RGS5: variants seen among roughly 807,000 people sequenced by gnomAD.
RGS5 encodes the protein regulator of G protein signaling 5, also known as regulator of G-protein signalling 5.
RGS5 carries 20 observed loss-of-function variants against 18.9 expected under a neutral mutation model. The ratio of observed to expected loss-of-function variants is 1.06; its 90% confidence interval spans 0.74 to 1.54. The LOEUF (loss-of-function observed/expected upper bound fraction) is 1.54, where lower values mean the gene tolerates loss of function less well. Ranked by LOEUF, RGS5 falls within the 40% of genes most tolerant of loss-of-function variation. The pLI, the probability that RGS5 is intolerant of heterozygous loss-of-function variation, is 0.00. For synonymous variants in RGS5, 57 were observed against 76.2 expected (o/e 0.75, Z 1.31); for missense variants, 201 against 211.8 (o/e 0.95, Z 0.32).
chr1:163,225,373 G>C (rs2101680744), intron 2 of RGS5, among the ~76,000 whole-genome samples: 1 of 152,236 alleles, frequency 6.6e-6, no homozygotes, highest in African/African-American at 2.4e-5. Context: ...TGGATCTATG[G>C]GGGCTCAAAG....
intron 2 of RGS5, among the ~76,000 whole-genome samples, chr1:163,299,973 G>A (rs1445811843): frequency 6.6e-6 from 1 of 152,190 alleles, no homozygotes; most frequent in African/African-American, 2.4e-5. Flanking sequence ...TTAAAAAGGA[G>A]TACACATTAC....
At chr1:163,244,697 T>C (rs1002990232) in intron 2 of RGS5, 1 of 152,196 alleles carries the variant, frequency 6.6e-6, no homozygotes, top group Non-Finnish European at 1.5e-5. Context: ...CAACCAAATA[T>C]AGTCACTGAA....
intron 2 of RGS5, among the ~76,000 whole-genome samples, chr1:163,295,883 A>ACTGC (rs1266179667): frequency 2.6e-5 from 4 of 152,170 alleles, no homozygotes; most frequent in African/African-American, 9.7e-5. Context: ...GCTAATACTG[A>ACTGC]CTGCCTGTTA....
intron 3 of RGS5, among the ~76,000 whole-genome samples, chr1:163,155,965 TA>T (rs1657564108): frequency 6.6e-6 from 1 of 152,176 alleles, no homozygotes; most frequent in South Asian, 2.1e-4. Flanking sequence ...GACATCCATG[TA>T]AACTAGCAGC....
chr1:163,164,900 T>A (rs934707614), intron 2 of RGS5, among the ~76,000 whole-genome samples: 3 of 152,220 alleles, frequency 2.0e-5, no homozygotes, highest in African/African-American at 7.2e-5. Context: ...TTAAAAATGT[T>A]CTTACACATT....
At chr1:163,274,441 C>T (rs1264121347) in intron 2 of RGS5, among the ~76,000 whole-genome samples, 1 of 151,986 alleles carries the variant, frequency 6.6e-6, no homozygotes, top group Non-Finnish European at 1.5e-5. Context: ...GCTAGGATCC[C>T]TTTCAGACCT....
At chr1:163,309,763 G>A (rs767987933) in intron 1 of RGS5, among the ~76,000 whole-genome samples, 5 of 152,102 alleles carry the variant, frequency 3.3e-5, no homozygotes, top group Admixed American at 6.5e-5. Context: ...CATCTAGAAT[G>A]GTGAATCCTT....
intron 2 of RGS5, among the ~76,000 whole-genome samples, chr1:163,295,484 A>G (rs995333293): frequency 7.2e-5 from 11 of 152,204 alleles, no homozygotes; most frequent in African/African-American, 2.7e-4. Context: ...CCTTAAAATA[A>G]TTATTTGATG....
intron 2 of RGS5, among the ~76,000 whole-genome samples, chr1:163,242,136 A>G (rs1647806000): frequency 6.6e-6 from 1 of 152,216 alleles, no homozygotes; most frequent in South Asian, 2.1e-4. Context: ...TGTCTTATAG[A>G]TGAGATCTAT....
intron 1 of RGS5, among the ~76,000 whole-genome samples, chr1:163,170,596 G>C (rs993510331): frequency 6.6e-6 from 1 of 152,128 alleles, no homozygotes; most frequent in Non-Finnish European, 1.5e-5. Context: ...GAAACCTGTG[G>C]TAACTTATAA....
chr1:163,237,984 C>G (rs1481193231), intron 2 of RGS5: 3 of 154,330 alleles, frequency 1.9e-5, no homozygotes, highest in Non-Finnish European at 4.4e-5. Flanking sequence ...GAACACAGGG[C>G]TGTCCCTGTA....
At chr1:163,221,669 A>G (rs968985729), upstream of RGS5, among the ~76,000 whole-genome samples, 5 of 152,356 alleles carry the variant, frequency 3.3e-5, 1 homozygote, top group Middle Eastern at 0.01. Context: ...AATATTTGCC[A>G]GCTCAATAGC....
intron 1 of RGS5, among the ~76,000 whole-genome samples, chr1:163,176,896 G>A (rs1216467100): frequency 2.0e-5 from 3 of 152,188 alleles, no homozygotes; most frequent in African/African-American, 7.2e-5. Context: ...ATGACATGAT[G>A]TATGTCATAG....
At chr1:163,204,693 G>T (rs1209790235), upstream of RGS5, among the ~76,000 whole-genome samples, 1 of 152,122 alleles carries the variant, frequency 6.6e-6, no homozygotes, top group African/African-American at 2.4e-5. Flanking sequence ...GCCATCTATT[G>T]ACTGAGTAAA....
chr1:163,175,890 G>C (rs1194817346), intron 1 of RGS5, among the ~76,000 whole-genome samples: 1 of 152,084 alleles, frequency 6.6e-6, no homozygotes, highest in Non-Finnish European at 1.5e-5. Context: ...GGAATATATA[G>C]TAGTAGTAGT....
upstream of RGS5, among the ~76,000 whole-genome samples, chr1:163,203,832 G>A (rs1050745536): frequency 6.6e-6 from 1 of 151,964 alleles, no homozygotes; most frequent in African/African-American, 2.4e-5. Context: ...TATCACTCAA[G>A]GAATATTTAC....
intron 2 of RGS5, among the ~76,000 whole-genome samples, chr1:163,282,041 G>A (rs4657256): frequency 0.29 from 40,954 of 143,058 alleles, 5,535 homozygotes; most frequent in Non-Finnish European, 0.3. Flanking sequence ...AGAAGTGCAC[G>A]CGCGCGCACA....
rs1182673997 is a variant in RGS5 at position 163,145,537 on chromosome 1, C to G, written c.*1805G>C. 1.3e-5 allele frequency: 2 copies of G among 152,122 alleles called. No individual in the cohort carries two copies. The highest frequency in any genetic ancestry group is 4.8e-5 in the African/African-American group (2 of 41,428). 9.4% of individuals were successfully genotyped at this position (152,122 alleles called of 1,614,324 possible). A position where few individuals can be genotyped will look rare whatever the true frequency, so the allele number is the denominator to read the frequency against. Reference sequence around the variant, plus strand: ...AGAACTTCATGATTGTAGCATTGATCTGGCCTAGCTCTGGACTGCTTGATG... The same window carrying G: ...AGAACTTCATGATTGTAGCATTGATGTGGCCTAGCTCTGGACTGCTTGATG... On this transcript the variant is annotated 3_prime_UTR_variant, in exon 5 of 5. Coordinates refer to ENST00000313961, the MANE Select transcript of RGS5 (RefSeq NM_003617.4).
intron 2 of RGS5, among the ~76,000 whole-genome samples, chr1:163,296,118 T>A (rs1007016335): frequency 6.6e-6 from 1 of 152,218 alleles, no homozygotes; most frequent in Non-Finnish European, 1.5e-5. Context: ...TTATGGTTAA[T>A]CACTACTATT....
Sources: allele counts gnomAD v4.1 joint callset (sites outside exome capture counted in the v4.1 genomes callset), GRCh38; gene constraint gnomAD v4.1.1; transcripts MANE v1.5; gene names NCBI Gene and HGNC (gene_info 2026-07-23, HGNC 2026-07-21).